Variants in BRD4 observed in about 807,000 individuals in gnomAD.
The protein encoded by BRD4 is bromodomain containing 4.
A neutral mutation model predicts 142.1 loss-of-function variants in BRD4; 16 were observed. The observed-to-expected ratio is 0.11, with a 90% CI of 0.08 to 0.17. The LOEUF (loss-of-function observed/expected upper bound fraction) is 0.17, where lower values mean the gene tolerates loss of function less well. Ranked by LOEUF, BRD4 falls within the 10% of genes least tolerant of loss-of-function variation. The probability of loss-of-function intolerance (pLI) is 1.00; values close to 1 mark genes in which losing one functional copy is unlikely to be tolerated. For synonymous variants in BRD4, 833 were observed against 707.5 expected (o/e 1.18, Z -2.82); for missense variants, 1,424 against 1,810.9 (o/e 0.79, Z 3.88).
chr19:15,294,084 T>C (rs2047804780), intron 1 of BRD4, among the ~76,000 whole-genome samples: 1 of 152,252 alleles, frequency 6.6e-6, no homozygotes, highest in Non-Finnish European at 1.5e-5. Flanking sequence ...TGGGGGCTCC[T>C]GGATAGCACA....
In BRD4 at chr19:15,254,030, G is replaced by A. The variant is rs1599448314; in HGVS notation, c.2158+122C>T. The A allele has an allele frequency of 8.5e-6, 7 of 827,600 alleles. No individual in the cohort carries two copies. In the East Asian group the frequency reaches 1.3e-4, roughly 15 times the overall value. 51.3% of individuals were successfully genotyped at this position (827,600 alleles called of 1,614,324 possible). ...GTTAACAAAGAGACAGACAGACAGAGGAACCCAGCAAGTTCTGGGAGTGCC... is the reference window on the plus strand; with the variant it reads ...GTTAACAAAGAGACAGACAGACAGAAGAACCCAGCAAGTTCTGGGAGTGCC... On this transcript the variant is annotated intron_variant, in intron 11 of 19. Coordinates refer to ENST00000679869, the MANE Select transcript of BRD4 (RefSeq NM_001379291.1).
chr19:15,302,246 C>T (rs982843871), intron 1 of BRD4, among the ~76,000 whole-genome samples: 1 of 152,130 alleles, frequency 6.6e-6, no homozygotes, highest in African/African-American at 2.4e-5. Context: ...CCCTGACCCC[C>T]TTTAGACCTG....
intron 2 of BRD4, among the ~76,000 whole-genome samples, chr19:15,271,883 T>C (rs1201960995): frequency 1.4e-5 from 2 of 142,456 alleles, no homozygotes; most frequent in African/African-American, 5.7e-5. Context: ...GGAGTAAGGA[T>C]GCCTGGCAGA....
intron 10 of BRD4, among the ~76,000 whole-genome samples, chr19:15,254,658 C>T (rs1311953885): frequency 6.6e-6 from 1 of 151,966 alleles, no homozygotes; most frequent in Non-Finnish European, 1.5e-5. Context: ...TAACGCAAGG[C>T]AGGGAGAGAC....
intron 13 of BRD4, among the ~76,000 whole-genome samples, 177 bp downstream of exon 13, chr19:15,244,054 C>A (rs2047262507): frequency 6.6e-6 from 1 of 152,222 alleles, no homozygotes; most frequent in Admixed American, 6.5e-5. Flanking sequence ...CCATGCATGA[C>A]CTGTCTTGAG....
intron 1 of BRD4, among the ~76,000 whole-genome samples, chr19:15,318,231 G>A (rs2048032511): frequency 6.6e-6 from 1 of 152,140 alleles, no homozygotes; most frequent in African/African-American, 2.4e-5. Context: ...AATGGTACAT[G>A]AATGAGGGAA....
At chr19:15,243,559 C>T in intron 13 of BRD4, 72 bp from the exon 14 acceptor site, 1 of 1,460,734 alleles carries the variant, frequency 6.8e-7, no homozygotes, top group Admixed American at 2.8e-5. Context: ...CTGCTCCATC[C>T]TGACCTCATC....
At position 15,256,280 on chromosome 19, in the gene BRD4, C is replaced by A; in HGVS notation, c.1552-17G>T. 6.2e-7 allele frequency: 1 copy of A among 1,605,116 alleles called. No homozygotes were observed. Among genetic ancestry groups the A allele is most frequent in the Non-Finnish European group, 8.5e-7 (1 of 1,177,754 alleles). ...GGCTTTGAGCTGTAGACCAGACAGG[C>A]AAGACACACACTCAGGGCTGAAACC... On this transcript the variant is annotated splice_polypyrimidine_tract_variant and intron_variant, in intron 8 of 19. Coordinates refer to ENST00000679869, the MANE Select transcript of BRD4 (RefSeq NM_001379291.1).
At chr19:15,253,671 C>G (rs1458833898) in intron 11 of BRD4, 1 of 1,598,388 alleles carries the variant, frequency 6.3e-7, no homozygotes, top group South Asian at 1.1e-5. Flanking sequence ...CAGCTGCAGT[C>G]TGCTCCACAT....
In BRD4 at chr19:15,244,424, C is replaced by T. The variant is rs369957072; in HGVS notation, c.2388G>A (p.Ser796=). ...PQQAAPAMKS[S]PPPFIATQVP... is the part of the protein sequence containing the mutation. ...CCTGGGTGGCAATGAAGGGTGGGGGCGAGGACTTCATCGCCGGGGCTGCCT... is the reference window on the plus strand; with the variant it reads ...CCTGGGTGGCAATGAAGGGTGGGGGTGAGGACTTCATCGCCGGGGCTGCCT... Residue 796 remains serine, a synonymous_variant, in exon 13 of 20, where the codon TCG becomes TCA. Coordinates refer to ENST00000679869, the MANE Select transcript of BRD4 (RefSeq NM_001379291.1). 1.1e-5 allele frequency: 17 copies of T among 1,535,962 alleles called. No individual in the cohort carries two copies. The highest frequency in any genetic ancestry group is 3.0e-5 in the African/African-American group (2 of 66,696).
intron 2 of BRD4, among the ~76,000 whole-genome samples, chr19:15,269,862 A>T (rs1291525720): frequency 6.6e-6 from 1 of 152,228 alleles, no homozygotes; most frequent in Non-Finnish European, 1.5e-5. Flanking sequence ...TCTTCTCTAA[A>T]TCTAAACCTA....
At chr19:15,280,936 G>A (rs1313602132) in intron 1 of BRD4, among the ~76,000 whole-genome samples, 2 of 152,240 alleles carry the variant, frequency 1.3e-5, no homozygotes, top group African/African-American at 4.8e-5. Flanking sequence ...CATCTTTGCT[G>A]AAATGCTGAT....
At chr19:15,322,788 A>C (rs1408277869) in intron 1 of BRD4, among the ~76,000 whole-genome samples, 1 of 149,532 alleles carries the variant, frequency 6.7e-6, no homozygotes, top group Non-Finnish European at 1.5e-5. Context: ...AATAGCGTGA[A>C]CCTGGGAGGC....
At chr19:15,260,211 C>T (rs192517865) in intron 7 of BRD4, among the ~76,000 whole-genome samples, 35 of 152,262 alleles carry the variant, frequency 2.3e-4, no homozygotes, top group African/African-American at 8.2e-4. Context: ...CTCAATGACC[C>T]GAGAATTTAG....
intron 1 of BRD4, among the ~76,000 whole-genome samples, chr19:15,318,001 A>C (rs866139987): frequency 5.3e-5 from 8 of 152,268 alleles, no homozygotes; most frequent in Non-Finnish European, 1.0e-4. Flanking sequence ...TTTATAACTG[A>C]AAGTGCTTCA....
rs1314443027 is a variant in BRD4, at chr19:15,243,102, C to A, written c.2967G>T (p.Gln989His). 7.1e-7 allele frequency: 1 copy of A among 1,405,730 alleles called. No homozygotes were observed. The highest frequency in any genetic ancestry group is 2.6e-5 in the East Asian group (1 of 37,750). 87.1% of individuals were successfully genotyped at this position (1,405,730 alleles called of 1,614,324 possible). Residue 989 changes from glutamine (Q) to histidine (H), a missense_variant, in exon 14 of 20, where the codon CAG becomes CAT. Physicochemically the swap from Gln to His is conservative, Grantham distance 24. Coordinates refer to ENST00000679869, the MANE Select transcript of BRD4 (RefSeq NM_001379291.1). ...GCACGGGCCGTGGAGGGGGCTGATG[C>A]TGCTGCTGGGGTGGAGGCTGGGGCT... The part of the protein sequence containing the change: ...PPQPQPPPQQ[Q>H]HQPPPRPVHL...
chr19:15,249,417 C>T lies in BRD4; in HGVS notation c.2159-4655G>A, dbSNP rs556525783. On this transcript the variant is annotated intron_variant, in intron 11 of 19. Coordinates refer to ENST00000679869, the MANE Select transcript of BRD4 (RefSeq NM_001379291.1). Reference sequence around the variant, plus strand: ...CCCTGGTGGCTGATGGGCACAAGAACGGCACTGGAGACTGGAGCCCTGCCC... The same window carrying T: ...CCCTGGTGGCTGATGGGCACAAGAATGGCACTGGAGACTGGAGCCCTGCCC... 1,003 of 1,525,928 alleles carry T rather than the reference C, an allele frequency of 6.6e-4. No individual in the cohort carries two copies. The highest frequency in any genetic ancestry group is 1.2e-3 in the Admixed American group (64 of 54,050). The allele number at this position is 1,525,928 out of a possible 1,614,324, so 94.5% of individuals were successfully genotyped here. A position where few individuals can be genotyped will look rare whatever the true frequency, so the allele number is the denominator to read the frequency against.
intron 1 of BRD4, among the ~76,000 whole-genome samples, chr19:15,297,780 A>G (rs1164773946): frequency 6.6e-6 from 1 of 152,158 alleles, no homozygotes; most frequent in Non-Finnish European, 1.5e-5. Flanking sequence ...GTCACAGCAG[A>G]TGATGTAAGA....
chr19:15,325,622 G>C (rs1413484982), intron 1 of BRD4, among the ~76,000 whole-genome samples: 1 of 152,114 alleles, frequency 6.6e-6, no homozygotes, highest in Non-Finnish European at 1.5e-5. Context: ...GCTCTGATTG[G>C]AGAAATGGAA....
Sources: allele counts gnomAD v4.1 joint callset (sites outside exome capture counted in the v4.1 genomes callset), GRCh38; gene constraint gnomAD v4.1.1; transcripts MANE v1.5; gene names NCBI Gene and HGNC (gene_info 2026-07-23, HGNC 2026-07-21).